The following DPP6 variants were observed in gnomAD, a reference collection of about 807,000 sequenced individuals.
The protein encoded by DPP6 is dipeptidyl peptidase like 6, also known as A-type potassium channel modulatory protein DPP6.
In DPP6, 69 loss-of-function variants were observed where a neutral mutation model predicts 122.6. The observed-to-expected ratio is 0.56, with a 90% CI of 0.46 to 0.69. The LOEUF (loss-of-function observed/expected upper bound fraction) is 0.69, where lower values mean the gene tolerates loss of function less well. DPP6 is among the 30% of genes least tolerant of loss of function. The pLI is 0.00. For synonymous variants in DPP6, 418 were observed against 433.1 expected (o/e 0.97, Z 0.43); for missense variants, 928 against 1,116.9 (o/e 0.83, Z 2.41).
chr7:154,367,308 A>C (rs1054756388), intron 1 of DPP6, among the ~76,000 whole-genome samples: 5 of 152,254 alleles, frequency 3.3e-5, no homozygotes, highest in African/African-American at 9.6e-5. Flanking sequence ...CTGGAGCCAC[A>C]GTGTGATGGC....
chr7:153,879,340 C>T, the DPP6 span, among the ~76,000 whole-genome samples: 5 of 152,058 alleles, frequency 3.3e-5, no homozygotes, highest in Non-Finnish European at 7.4e-5. Context: ...AAAATACCAG[C>T]CCAAGCTTTT....
intron 1 of DPP6, among the ~76,000 whole-genome samples, chr7:154,070,676 A>G (rs1273467326): frequency 5.3e-5 from 8 of 152,216 alleles, no homozygotes; most frequent in African/African-American, 1.9e-4. Flanking sequence ...ACTGTAAACA[A>G]AGACGGCCCT....
chr7:154,768,955 C>T (rs573791038), intron 8 of DPP6, among the ~76,000 whole-genome samples: 4 of 152,270 alleles, frequency 2.6e-5, no homozygotes, highest in African/African-American at 4.8e-5. Flanking sequence ...TGCTTTTGGG[C>T]GACTCAGCCT....
intron 1 of DPP6, among the ~76,000 whole-genome samples, chr7:154,262,790 C>T (rs1485211990): frequency 2.6e-5 from 4 of 152,088 alleles, no homozygotes; most frequent in East Asian, 1.9e-4. Flanking sequence ...GTACTAAATA[C>T]GTTTTAGTAA....
intron 1 of DPP6, among the ~76,000 whole-genome samples, chr7:154,411,303 C>T (rs144598949): frequency 6.6e-6 from 1 of 152,234 alleles, no homozygotes; most frequent in African/African-American, 2.4e-5. Flanking sequence ...GGCTGAAGTA[C>T]AGTGTCGTGA....
At chr7:154,759,456 T>C (rs1373527555) in intron 8 of DPP6, among the ~76,000 whole-genome samples, 1 of 152,108 alleles carries the variant, frequency 6.6e-6, no homozygotes, top group African/African-American at 2.4e-5. Context: ...GCAGCGGCAA[T>C]AGGACGGAAG....
At chr7:153,821,256 A>G in the DPP6 span, among the ~76,000 whole-genome samples, 1 of 151,650 alleles carries the variant, frequency 6.6e-6, no homozygotes, top group East Asian at 1.9e-4. Flanking sequence ...CATAACTTTT[A>G]TTATTACATT....
chr7:153,816,393 A>G, the DPP6 span, among the ~76,000 whole-genome samples: 3 of 152,044 alleles, frequency 2.0e-5, no homozygotes, highest in African/African-American at 7.2e-5. Flanking sequence ...CTAAAAACCA[A>G]AAGCAAGTTT....
At chr7:154,686,135 C>G (rs889971199) in intron 7 of DPP6, among the ~76,000 whole-genome samples, 1 of 152,090 alleles carries the variant, frequency 6.6e-6, no homozygotes, top group African/African-American at 2.4e-5. Flanking sequence ...CACAATATCT[C>G]TATTCAGCAG....
At chr7:154,754,985 C>G (rs7798778) in intron 8 of DPP6, among the ~76,000 whole-genome samples, 62,212 of 151,458 alleles carry the variant, frequency 0.41, 14,109 homozygotes, top group African/African-American at 0.59. Flanking sequence ...TGTGGGTGGG[C>G]GGAAAGAAGA....
chr7:154,248,378 C>T (rs1585736095), intron 1 of DPP6, among the ~76,000 whole-genome samples: 1 of 151,948 alleles, frequency 6.6e-6, no homozygotes, highest in South Asian at 2.1e-4. Context: ...AAAGGACGTG[C>T]TCTGTAATTC....
intron 17 of DPP6, 36 bp from the exon 18 acceptor site, chr7:154,867,959 C>T (rs1011598460): frequency 6.4e-7 from 1 of 1,558,856 alleles, no homozygotes; most frequent in African/African-American, 1.4e-5. Flanking sequence ...TGAGTGACCA[C>T]TGCATCTCAG....
intron 1 of DPP6, among the ~76,000 whole-genome samples, chr7:154,023,344 A>G (rs1798805474): frequency 2.6e-5 from 4 of 151,770 alleles, no homozygotes; most frequent in Non-Finnish European, 5.9e-5. Context: ...ACACACACAC[A>G]CACACACACA....
chr7:154,070,199 T>C (rs1032594402), intron 1 of DPP6, among the ~76,000 whole-genome samples: 3 of 145,398 alleles, frequency 2.1e-5, no homozygotes, highest in African/African-American at 7.3e-5. Flanking sequence ...CATACCGAGG[T>C]ATCAGGTAAT....
chr7:154,722,407 A>G (rs1220775632), intron 7 of DPP6, among the ~76,000 whole-genome samples: 2 of 152,214 alleles, frequency 1.3e-5, no homozygotes, highest in Non-Finnish European at 2.9e-5. Context: ...CTTAGGGCCA[A>G]TGACATCCCT....
intron 4 of DPP6, among the ~76,000 whole-genome samples, chr7:154,565,006 A>G (rs1830653467): frequency 6.6e-6 from 1 of 152,200 alleles, no homozygotes. Flanking sequence ...GTGCTGAAGT[A>G]CTGTATAGTA....
chr7:154,653,541 T>C (rs1362136301), intron 6 of DPP6, among the ~76,000 whole-genome samples: 1 of 151,608 alleles, frequency 6.6e-6, no homozygotes, highest in East Asian at 1.9e-4. Context: ...AAATGATAGA[T>C]AGATATAGAT....
chr7:153,868,682 A>G, the DPP6 span, among the ~76,000 whole-genome samples: 4 of 151,660 alleles, frequency 2.6e-5, no homozygotes, highest in African/African-American at 7.3e-5. Flanking sequence ...GTTATTTCTT[A>G]CCTTCTGCTA....
At chr7:153,878,851 A>C in the DPP6 span, among the ~76,000 whole-genome samples, 1 of 152,114 alleles carries the variant, frequency 6.6e-6, no homozygotes, top group South Asian at 2.1e-4. Flanking sequence ...AAATAGCACG[A>C]AAAAATCTCT....
Sources: gnomAD v4.1 joint callset for allele counts (sites outside exome capture counted in the v4.1 genomes callset) on GRCh38, gnomAD v4.1.1 for gene constraint, MANE v1.5 for transcripts, NCBI Gene and HGNC (gene_info 2026-07-23, HGNC 2026-07-21) for gene names.